Variants in COL19A1 observed in about 807,000 individuals in gnomAD.
The protein encoded by COL19A1 is collagen alpha-1(XIX) chain.
A neutral mutation model predicts 190.2 loss-of-function variants in COL19A1; 159 were observed. The observed-to-expected ratio is 0.84, with a 90% confidence interval of 0.73 to 0.95. The LOEUF (loss-of-function observed/expected upper bound fraction) is 0.95. Ranked by LOEUF, COL19A1 falls within the 40% of genes least tolerant of loss-of-function variation. COL19A1 has a pLI of 0.00. For synonymous variants in COL19A1, 509 were observed against 458.9 expected (o/e 1.11, Z -1.39); for missense variants, 1,418 against 1,431.9 (o/e 0.99, Z 0.16).
chr6:69,879,321 C>A (rs1231495662), intron 1 of COL19A1, among the ~76,000 whole-genome samples: 1 of 152,080 alleles, frequency 6.6e-6, no homozygotes, highest in Non-Finnish European at 1.5e-5. Flanking sequence ...ACATCAATAA[C>A]TAACTAGAAA....
At chr6:70,033,483 A>T (rs1170866798) in intron 12 of COL19A1, among the ~76,000 whole-genome samples, 1 of 152,056 alleles carries the variant, frequency 6.6e-6, no homozygotes, top group East Asian at 1.9e-4. Flanking sequence ...GGATGTGTCT[A>T]TCTAACTTTC....
intron 14 of COL19A1, among the ~76,000 whole-genome samples, chr6:70,064,447 G>C (rs977310326): frequency 8.5e-5 from 13 of 152,096 alleles, no homozygotes; most frequent in African/African-American, 3.1e-4. Flanking sequence ...ATTAGGTATT[G>C]ATGGGACGTA....
At chr6:70,127,500 A>G (rs2150219282) in intron 17 of COL19A1, among the ~76,000 whole-genome samples, 1 of 152,282 alleles carries the variant, frequency 6.6e-6, no homozygotes, top group African/African-American at 2.4e-5. Flanking sequence ...AGTCAACCAA[A>G]CTGGATGACT....
chr6:69,916,415 A>G (rs910490061), intron 4 of COL19A1, among the ~76,000 whole-genome samples: 37 of 152,254 alleles, frequency 2.4e-4, no homozygotes, highest in African/African-American at 8.4e-4. Context: ...AAGGAATTAG[A>G]GAGAAAATAT....
chr6:70,202,053 C>A (rs1040705445), intron 49 of COL19A1, among the ~76,000 whole-genome samples: 9 of 152,152 alleles, frequency 5.9e-5, no homozygotes, highest in Non-Finnish European at 1.3e-4. Context: ...CACCAGTGAC[C>A]ACGCAAACCT....
At chr6:70,199,934 AT>A in intron 49 of COL19A1, 198 bp downstream of exon 49, 1 of 514,022 alleles carries the variant, frequency 1.9e-6, no homozygotes, top group African/African-American at 1.9e-5. Flanking sequence ...ATGTTTAACT[AT>A]TACTACTTCA....
intron 15 of COL19A1, among the ~76,000 whole-genome samples, chr6:70,096,673 A>G (rs1783295801): frequency 6.6e-6 from 1 of 152,210 alleles, no homozygotes; most frequent in Non-Finnish European, 1.5e-5. Flanking sequence ...ATCACAAAAC[A>G]AATTGAATTC....
chr6:70,088,074 C>A (rs3806019), intron 15 of COL19A1, among the ~76,000 whole-genome samples: 28,614 of 152,036 alleles, frequency 0.19, 3,861 homozygotes, highest in African/African-American at 0.35. Context: ...ATGCTTGGGA[C>A]CTTCTGCACA....
intron 11 of COL19A1, among the ~76,000 whole-genome samples, chr6:69,995,522 ATTT>A (rs111245935): frequency 2.7e-5 from 4 of 145,896 alleles, no homozygotes; most frequent in Admixed American, 6.9e-5. Context: ...AAACCGTGTG[ATTT>A]TTTTTTTTTT....
chr6:70,077,740 A>G (rs1242655580), intron 15 of COL19A1, among the ~76,000 whole-genome samples: 1 of 152,242 alleles, frequency 6.6e-6, no homozygotes, highest in Non-Finnish European at 1.5e-5. Flanking sequence ...TGCAACCGTG[A>G]GAAAGATGAC....
intron 42 of COL19A1, among the ~76,000 whole-genome samples, chr6:70,179,687 G>A (rs910365614): frequency 1.3e-5 from 2 of 152,286 alleles, no homozygotes; most frequent in South Asian, 2.1e-4. Context: ...GAGCTGCCAG[G>A]AAAATAAGCA....
Position 70,207,369 on chromosome 6 carries a change from T to A in COL19A1, c.*95T>A. The A allele has an allele frequency of 9.2e-7, 1 of 1,092,878 alleles. No individual in the cohort carries two copies. The highest frequency in any genetic ancestry group is 1.2e-6 in the Non-Finnish European group (1 of 839,756). 67.7% of individuals were successfully genotyped at this position (1,092,878 alleles called of 1,614,324 possible). A position where few individuals can be genotyped will look rare whatever the true frequency, so the allele number is the denominator to read the frequency against. On this transcript the variant is annotated 3_prime_UTR_variant, in exon 51 of 51. Transcript: ENST00000620364. ...CCCTCATCATCTGTGGGTTGCTTTT[T>A]TTTTTTTTTTTTTTTTTTGGGAGTA...
intron 1 of COL19A1, among the ~76,000 whole-genome samples, chr6:69,868,463 A>G (rs1310682652): frequency 6.6e-6 from 1 of 152,100 alleles, no homozygotes; most frequent in Non-Finnish European, 1.5e-5. Flanking sequence ...CAGAAAATTT[A>G]TGCTCTCTCT....
At chr6:70,112,713 T>C (rs1184198931) in intron 16 of COL19A1, among the ~76,000 whole-genome samples, 13 of 152,226 alleles carry the variant, frequency 8.5e-5, no homozygotes, top group African/African-American at 2.9e-4. Flanking sequence ...ATTATGCCCA[T>C]TGAATGCATT....
At chr6:69,915,329 T>C (rs1194190400) in intron 4 of COL19A1, among the ~76,000 whole-genome samples, 1 of 152,214 alleles carries the variant, frequency 6.6e-6, no homozygotes, top group Non-Finnish European at 1.5e-5. Context: ...TCAATAAATA[T>C]GAGCATGTAC....
At chr6:70,199,849 C>T (rs927378274) in intron 49 of COL19A1, 113 bp downstream of exon 49, 4 of 931,660 alleles carry the variant, frequency 4.3e-6, no homozygotes, top group Non-Finnish European at 6.3e-6. Flanking sequence ...TTATACATTA[C>T]ATATATAAAT....
chr6:70,144,929 T>G lies in COL19A1; in HGVS notation c.1692T>G (p.Gly564=). The G allele has an allele frequency of 6.3e-7, 1 of 1,576,392 alleles. No homozygotes were observed. ...CTTGTTTTCTACAGGGAGATCCGGG[T>G]GGGATCATAGGCCCTCCCGGGCTTC... The part of the protein sequence containing the change: ...QGIKGEKGDP[G]GIIGPPGLPG... The change falls in exon 25 of 51, where the codon GGT becomes GGG. Residue 564 remains glycine, a synonymous_variant. Coordinates refer to ENST00000620364, the MANE Select transcript of COL19A1 (RefSeq NM_001858.6).
At chr6:70,112,751 C>G (rs958353269) in intron 16 of COL19A1, among the ~76,000 whole-genome samples, 1 of 152,218 alleles carries the variant, frequency 6.6e-6, no homozygotes, top group Non-Finnish European at 1.5e-5. Context: ...CCTCCCACTT[C>G]TGTTCCAAAA....
chr6:70,041,700 T>A (rs1779640658), intron 14 of COL19A1, among the ~76,000 whole-genome samples: 3 of 152,266 alleles, frequency 2.0e-5, no homozygotes, highest in South Asian at 4.1e-4. Context: ...ATTATTTAAA[T>A]CTAGTTTAAA....
Sources: allele counts gnomAD v4.1 joint callset (sites outside exome capture counted in the v4.1 genomes callset), GRCh38; gene constraint gnomAD v4.1.1; transcripts MANE v1.5; gene names NCBI Gene and HGNC (gene_info 2026-07-23, HGNC 2026-07-21).